DELE1: variants seen among roughly 807,000 people sequenced by gnomAD.
DELE1 encodes death ligand signal enhancer.
In DELE1, 54 loss-of-function variants were observed where a neutral mutation model predicts 59.3. The observed-to-expected ratio is 0.91, with a 90% CI of 0.73 to 1.14. DELE1 has a LOEUF of 1.14. Among genes scored for constraint, DELE1 ranks in the 50% most tolerant of loss-of-function variants. The pLI is 0.00. For missense variants in DELE1, 636 were observed against 643.9 expected (o/e 0.99, Z 0.13); for synonymous variants, 264 against 259.1 (o/e 1.02, Z -0.18).
intron 10 of DELE1, chr5:141,936,944 C>G (rs10477157): frequency 0.084 from 107,541 of 1,278,678 alleles, 4,907 homozygotes; most frequent in South Asian, 0.13. Flanking sequence ...CCAGCCTATG[C>G]AAGAGAAGCC....
intron 2 of DELE1, 32 bp from the exon 3 acceptor site, chr5:141,925,378 C>A: frequency 6.8e-7 from 1 of 1,469,316 alleles, no homozygotes; most frequent in African/African-American, 1.4e-5. Flanking sequence ...TCCCTTTGCC[C>A]CTACTTGATA....
chr5:141,941,713 T>A lies in DELE1; in HGVS notation c.*2954T>A, dbSNP rs1023088172. Reference sequence around the variant, plus strand: ...CGGAGATGCTGTTTTCAGGGAGTCCTGACACTATGATGGGAACAAGGCTAT... The same window carrying A: ...CGGAGATGCTGTTTTCAGGGAGTCCAGACACTATGATGGGAACAAGGCTAT... On this transcript the variant is annotated 3_prime_UTR_variant, in exon 12 of 12. Coordinates refer to ENST00000432126, the MANE Select transcript of DELE1 (RefSeq NM_014773.5). 6 of 985,236 alleles carry A rather than the reference T, an allele frequency of 6.1e-6. No homozygotes were observed. Among genetic ancestry groups the A allele is most frequent in the Non-Finnish European group, 7.2e-6 (6 of 829,940 alleles). The allele number at this position is 985,236 out of a possible 1,614,324, so 61.0% of individuals were successfully genotyped here.
In DELE1 at chr5:141,933,094, CA is replaced by C. The variant is rs56720043; in HGVS notation, c.755-147del. On this transcript the variant is annotated intron_variant, in intron 7 of 11. Transcript: ENST00000432126. ...TGGGCAACAGAGCAAGACTCCATCT[CA>C]AAAAAAAAAAAAAAAAATATATATA... 8.9e-3 allele frequency among the ~76,000 whole-genome samples: 902 copies of C among 100,974 alleles called. 9 individuals carry two copies. Among genetic ancestry groups the C allele is most frequent in the East Asian group, 0.037 (123 of 3,366 alleles). 66.2% of individuals were successfully genotyped at this position (100,974 alleles called of 152,430 possible).
chr5:141,936,157 A>AT (rs1437947890), intron 10 of DELE1, among the ~76,000 whole-genome samples: 1 of 152,168 alleles, frequency 6.6e-6, no homozygotes, highest in Non-Finnish European at 1.5e-5. Context: ...CACTTTTCAT[A>AT]TAGTGTATTT....
intron 10 of DELE1, 77 bp downstream of exon 10, chr5:141,934,663 C>T: frequency 7.4e-7 from 1 of 1,356,474 alleles, no homozygotes. Flanking sequence ...GTACTGAGTT[C>T]TTCTGTGCTT....
chr5:141,925,429 G>C lies in DELE1; in HGVS notation c.166G>C (p.Gly56Arg). The C allele has an allele frequency of 1.3e-6, 2 of 1,594,988 alleles. No homozygotes were observed. The highest frequency in any genetic ancestry group is 1.7e-6 in the Non-Finnish European group (2 of 1,171,186). ...ATCTAGGTCAGGTCCCCATGGCCCAGGCACGAGCGGGGGTCCAAGGTCCCA... is the reference window on the plus strand; with the variant it reads ...ATCTAGGTCAGGTCCCCATGGCCCACGCACGAGCGGGGGTCCAAGGTCCCA... ...NLDRSGPHGP[G>R]TSGGPRSHGW... The change falls in exon 3 of 12, where the codon GGC becomes CGC. Residue 56 changes from glycine (G) to arginine (R), a missense_variant. By Grantham distance (125) the Gly-to-Arg change is moderately radical (BLOSUM62 -2). Transcript: ENST00000432126.
rs1171787891 is a variant in DELE1, at chr5:141,933,111, A to AATAT, written c.755-127_755-124dup. ...CTCCATCTCAAAAAAAAAAAAAAAA[A>AATAT]ATATATATATATATATATATATATG... On this transcript the variant is annotated intron_variant, in intron 7 of 11. Transcript: ENST00000432126. 484 of 94,434 alleles carry AATAT rather than the reference A, an allele frequency of 5.1e-3. 3 individuals carry two copies. Among genetic ancestry groups the AATAT allele is most frequent in the Middle Eastern group, 0.013 (2 of 156 alleles). 5.8% of individuals were successfully genotyped at this position (94,434 alleles called of 1,614,324 possible). A position where few individuals can be genotyped will look rare whatever the true frequency, so the allele number is the denominator to read the frequency against.
chr5:141,936,057 A>G (rs1252962225), intron 10 of DELE1, among the ~76,000 whole-genome samples: 1 of 152,226 alleles, frequency 6.6e-6, no homozygotes, highest in Non-Finnish European at 1.5e-5. Context: ...GGAGGGTAGA[A>G]GAGAAATTGG....
chr5:141,929,861 G>C, intron 5 of DELE1, 121 bp downstream of exon 5: 1 of 1,496,808 alleles, frequency 6.7e-7, no homozygotes, highest in Non-Finnish European at 9.3e-7. Flanking sequence ...GCCTTGTGAG[G>C]TGATTCAGGG....
intron 7 of DELE1, among the ~76,000 whole-genome samples, chr5:141,930,941 C>T (rs1444395749): frequency 6.6e-6 from 1 of 152,150 alleles, no homozygotes; most frequent in Non-Finnish European, 1.5e-5. Context: ...GAGCATTTAC[C>T]TTTTGCCAGT....
chr5:141,932,430 A>G (rs888535198), intron 7 of DELE1, among the ~76,000 whole-genome samples: 1 of 152,188 alleles, frequency 6.6e-6, no homozygotes, highest in South Asian at 2.1e-4. Flanking sequence ...ACCTAAACCC[A>G]CTCTGGCTAA....
chr5:141,928,831 T>C (rs1751640689), intron 4 of DELE1, among the ~76,000 whole-genome samples: 1 of 149,414 alleles, frequency 6.7e-6, no homozygotes, highest in Admixed American at 6.6e-5. Flanking sequence ...ACCCCATAGG[T>C]TTCTTGGGAG....
chr5:141,929,621 C>G lies in DELE1; in HGVS notation c.452C>G (p.Ala151Gly). 2 of 1,614,136 alleles carry G rather than the reference C, an allele frequency of 1.2e-6. No homozygotes were observed. Among genetic ancestry groups the G allele is most frequent in the South Asian group, 1.1e-5 (1 of 91,078 alleles). The change falls in exon 5 of 12, where the codon GCT becomes GGT. Residue 151 changes from alanine to glycine, a missense_variant. Transcript: ENST00000432126. ...QHILPSPDGP[A>G]PRHTGLREPR... ...ATCCTCCCCAGCCCCGATGGCCCAGCTCCCAGGCACACTGGCCTCAGGGAA... is the reference window on the plus strand; with the variant it reads ...ATCCTCCCCAGCCCCGATGGCCCAGGTCCCAGGCACACTGGCCTCAGGGAA...
intron 10 of DELE1, among the ~76,000 whole-genome samples, chr5:141,936,253 C>T (rs988113680): frequency 4.6e-5 from 7 of 152,098 alleles, no homozygotes; most frequent in African/African-American, 7.2e-5. Context: ...GGTAGAGTCA[C>T]GTGCCTGAGT....
intron 3 of DELE1, among the ~76,000 whole-genome samples, chr5:141,926,624 ATGACT>A (rs1751445226): frequency 1.3e-5 from 2 of 152,244 alleles, no homozygotes; most frequent in East Asian, 1.9e-4. Flanking sequence ...CTTTGGACAA[ATGACT>A]TGACCTGTGT....
chr5:141,933,340 C>T lies in DELE1; in HGVS notation c.836C>T (p.Ala279Val), dbSNP rs917300159. The change falls in exon 8 of 12, where the codon GCG (alanine) becomes GTG (valine). Residue 279 changes from alanine to valine, a missense_variant. Physicochemically the swap from Ala to Val is moderately conservative, Grantham distance 64 (BLOSUM62 0). Transcript: ENST00000432126. ...GCTGCAGCCCGCGGCTACAGCAAAGCGCAGTACAATGCGGGCTTGTGTCAT... is the reference window on the plus strand; with the variant it reads ...GCTGCAGCCCGCGGCTACAGCAAAGTGCAGTACAATGCGGGCTTGTGTCAT... ...QKAAARGYSKAQYNAGLCHEH... is the reference protein window; with the variant it reads ...QKAAARGYSKVQYNAGLCHEH... The T allele has an allele frequency of 5.1e-6, 8 of 1,556,984 alleles. No homozygotes were observed. The highest frequency in any genetic ancestry group is 2.3e-5 in the East Asian group (1 of 43,228).
At chr5:141,930,378 T>C in intron 7 of DELE1, 104 bp downstream of exon 7, 1 of 811,926 alleles carries the variant, frequency 1.2e-6, no homozygotes, top group African/African-American at 1.7e-5. Context: ...ACGAGAGATT[T>C]TATTTTCTCC....
intron 10 of DELE1, 74 bp downstream of exon 10, chr5:141,934,660 GTTC>G: frequency 7.3e-7 from 1 of 1,373,634 alleles, no homozygotes; most frequent in Non-Finnish European, 1.0e-6. Flanking sequence ...CTGGTACTGA[GTTC>G]TTCTGTGCTT....
In DELE1 at chr5:141,939,595, C is replaced by G; in HGVS notation, c.*836C>G. The G allele has an allele frequency of 1.0e-6, 1 of 985,850 alleles. No homozygotes were observed. The highest frequency in any genetic ancestry group is 1.1e-4 in the East Asian group (1 of 8,802). The allele number at this position is 985,850 out of a possible 1,614,324, so 61.1% of individuals were successfully genotyped here. The stretch of plus-strand genomic sequence containing the variant: ...CCTAAAGAGGGAGCCTGTGGGTTCT[C>G]AGAGAGATATCACAATTTGAGTCCC... On this transcript the variant is annotated 3_prime_UTR_variant, in exon 12 of 12. Transcript: ENST00000432126.
Sources: allele counts gnomAD v4.1 joint callset (sites outside exome capture counted in the v4.1 genomes callset), GRCh38; gene constraint gnomAD v4.1.1; transcripts MANE v1.5; gene names NCBI Gene and HGNC (gene_info 2026-07-23, HGNC 2026-07-21).